CACHD1: variants seen among roughly 807,000 people sequenced by gnomAD.
CACHD1 encodes the protein cache domain containing 1, also known as VWFA and cache domain-containing protein 1.
In CACHD1, 71 loss-of-function variants were observed where a neutral mutation model predicts 138.7. That is an observed-to-expected ratio of 0.51 (90% CI 0.42 to 0.62). The LOEUF (loss-of-function observed/expected upper bound fraction) is 0.62, where lower values mean the gene tolerates loss of function less well. CACHD1 is among the 20% of genes least tolerant of loss of function. The pLI, the probability that CACHD1 is intolerant of heterozygous loss-of-function variation, is 0.00. For missense variants in CACHD1, 1,389 were observed against 1,625.3 expected (o/e 0.85, Z 2.50); for synonymous variants, 578 against 591.5 (o/e 0.98, Z 0.33).
At position 64,676,929 on chromosome 1, in the gene CACHD1, A is replaced by G. The variant is rs760286384; in HGVS notation, c.3010A>G (p.Thr1004Ala). 1.2e-6 allele frequency: 2 copies of G among 1,613,946 alleles called. No homozygotes were observed. Among genetic ancestry groups the G allele is most frequent in the Non-Finnish European group, 8.5e-7 (1 of 1,179,904 alleles). ...PSCEVHQEPV[T>A]YTAIDPGLQD... ...CTGCGAGGTCCACCAGGAGCCGGTG[A>G]CATACACAGCTATTGACCCTGGCCT... The change falls in exon 22 of 27, where the codon ACA becomes GCA. Residue 1004 changes from threonine to alanine, a missense_variant. By Grantham distance (58) the Thr-to-Ala change is moderately conservative. This residue lies in a region of CACHD1 where 250 missense variants were observed against 292.9 expected (regional missense o/e 0.85). Transcript: ENST00000651257.
chr1:64,670,976 T>C (rs554066110), intron 16 of CACHD1, among the ~76,000 whole-genome samples: 41 of 152,080 alleles, frequency 2.7e-4, no homozygotes, highest in African/African-American at 9.6e-4. Flanking sequence ...AGTAGCAGGG[T>C]GGAATGGAGA....
At chr1:64,682,235 C>A in intron 26 of CACHD1, 129 bp downstream of exon 26, 1 of 759,804 alleles carries the variant, frequency 1.3e-6, no homozygotes, top group Non-Finnish European at 2.2e-6. Context: ...TTTATAAGAG[C>A]CCGAGGACAG....
At chr1:64,481,423 T>A (rs2100274447) in intron 1 of CACHD1, among the ~76,000 whole-genome samples, 1 of 152,318 alleles carries the variant, frequency 6.6e-6, no homozygotes, top group Non-Finnish European at 1.5e-5. Context: ...TAATTAGGCT[T>A]TGAGTTGTTT....
chr1:64,616,465 C>A (rs1647710476), intron 4 of CACHD1, among the ~76,000 whole-genome samples: 1 of 152,146 alleles, frequency 6.6e-6, no homozygotes, highest in Non-Finnish European at 1.5e-5. Context: ...GAGCTCTGAG[C>A]TGGGTCTTTT....
chr1:64,617,162 A>AATAC (rs1647742365), intron 4 of CACHD1, among the ~76,000 whole-genome samples: 1 of 11,610 alleles, frequency 8.6e-5, no homozygotes, highest in Non-Finnish European at 5.5e-4. Flanking sequence ...AAAACAAAAC[A>AATAC]AAAAAAAAAA....
intron 25 of CACHD1, among the ~76,000 whole-genome samples, chr1:64,681,541 G>GGTTTTTTTTTGTTTTTTT (rs1553146851): frequency 1.0e-4 from 7 of 68,134 alleles, no homozygotes; most frequent in East Asian, 1.2e-3. Context: ...ATTTTATTGT[G>GGTTTTTTTTTGTTTTTTT]TTTTTTTTTT....
intron 2 of CACHD1, among the ~76,000 whole-genome samples, chr1:64,572,383 G>A (rs1646933522): frequency 1.3e-5 from 2 of 152,130 alleles, no homozygotes; most frequent in Non-Finnish European, 2.9e-5. Flanking sequence ...GGAGAAGTGG[G>A]TTGAAGCCTG....
At chr1:64,626,527 T>G (rs375031001) in intron 4 of CACHD1, among the ~76,000 whole-genome samples, 1 of 152,350 alleles carries the variant, frequency 6.6e-6, no homozygotes, top group African/African-American at 2.4e-5. Context: ...TATGCACTTA[T>G]GTACACTGTC....
intron 1 of CACHD1, among the ~76,000 whole-genome samples, chr1:64,522,533 C>G (rs1321490947): frequency 6.7e-6 from 1 of 148,752 alleles, no homozygotes; most frequent in African/African-American, 2.4e-5. Flanking sequence ...CAACTCCTGA[C>G]CTCAAGTGAT....
At chr1:64,651,618 G>A (rs1189482215) in intron 9 of CACHD1, among the ~76,000 whole-genome samples, 1 of 152,032 alleles carries the variant, frequency 6.6e-6, no homozygotes, top group Non-Finnish European at 1.5e-5. Flanking sequence ...TCGCACCACT[G>A]CATTCCAACC....
At chr1:64,591,438 A>G (rs1263733037) in intron 3 of CACHD1, among the ~76,000 whole-genome samples, 2 of 152,204 alleles carry the variant, frequency 1.3e-5, no homozygotes, top group African/African-American at 2.4e-5. Context: ...TCAATATTAG[A>G]TCATAAGGAT....
Position 64,523,024 on chromosome 1 carries a change from C to T in CACHD1, c.199-27570C>T, listed in dbSNP as rs1346863988. Among the ~76,000 whole-genome samples the T allele has an allele frequency of 4.6e-5, 7 of 152,306 alleles. No homozygotes were observed. The East Asian group carries it at 1.4e-3, about 29-fold the overall frequency. On this transcript the variant is annotated intron_variant, in intron 1 of 26. Transcript: ENST00000651257. ...ACAAAAGCATAAGTAGCCATGATGG[C>T]CTTCCCTTCTGTTTACTGCTGCCTC...
chr1:64,606,995 A>G lies in CACHD1; in HGVS notation c.517+4083A>G, dbSNP rs141253204. 4.6e-5 allele frequency among the ~76,000 whole-genome samples: 7 copies of G among 152,326 alleles called. No homozygotes were observed. The East Asian group carries it at 1.4e-3, about 29-fold the overall frequency. ...AAGTTACGTTTGAGATGCTCATTGG[A>G]TATCTAAGTAGAAGGGCCTCATAAG... On this transcript the variant is annotated intron_variant, in intron 4 of 26. Transcript: ENST00000651257.
At chr1:64,510,086 A>C (rs981158238) in intron 1 of CACHD1, among the ~76,000 whole-genome samples, 3 of 152,192 alleles carry the variant, frequency 2.0e-5, no homozygotes, top group African/African-American at 2.4e-5. Context: ...TTTTTAAGGA[A>C]AATTTTAATG....
intron 9 of CACHD1, among the ~76,000 whole-genome samples, chr1:64,651,777 A>G (rs566493942): frequency 1.3e-5 from 2 of 152,230 alleles, no homozygotes; most frequent in Non-Finnish European, 2.9e-5. Flanking sequence ...TTTTAGATTC[A>G]TTGTCCATTG....
At chr1:64,630,612 GT>G (rs1257580021) in intron 5 of CACHD1, among the ~76,000 whole-genome samples, 1 of 152,058 alleles carries the variant, frequency 6.6e-6, no homozygotes, top group Non-Finnish European at 1.5e-5. Context: ...TGTGTGTGTG[GT>G]TTCTTCCTTT....
At chr1:64,647,404 TAC>T (rs1648944681) in intron 8 of CACHD1, among the ~76,000 whole-genome samples, 1 of 152,218 alleles carries the variant, frequency 6.6e-6, no homozygotes, top group African/African-American at 2.4e-5. Flanking sequence ...TTAAAACTCT[TAC>T]AGTTTCATCT....
chr1:64,682,795 T>C (rs1650235881), intron 26 of CACHD1, among the ~76,000 whole-genome samples: 1 of 152,176 alleles, frequency 6.6e-6, no homozygotes, highest in South Asian at 2.1e-4. Context: ...ATATCGCTCA[T>C]TGTTGCAAAG....
At chr1:64,628,627 T>C (rs1648196016) in intron 4 of CACHD1, among the ~76,000 whole-genome samples, 1 of 151,966 alleles carries the variant, frequency 6.6e-6, no homozygotes, top group African/African-American at 2.4e-5. Context: ...GGAGGCAGTA[T>C]AGCATGATGT....
Sources: allele counts gnomAD v4.1 joint callset (sites outside exome capture counted in the v4.1 genomes callset), GRCh38; gene constraint gnomAD v4.1.1; regional missense constraint gnomAD v4.1.1; transcripts MANE v1.5; gene names NCBI Gene and HGNC (gene_info 2026-07-23, HGNC 2026-07-21).